Variants in CTNNA3 observed in about 807,000 individuals in gnomAD.
The protein encoded by CTNNA3 is catenin alpha 3, also known as catenin alpha-3.
In CTNNA3, 76 loss-of-function variants were observed where a neutral mutation model predicts 95.7. The ratio of observed to expected loss-of-function variants is 0.79; its 90% CI spans 0.66 to 0.96. The LOEUF (loss-of-function observed/expected upper bound fraction) is 0.96. CTNNA3 is among the 40% of genes least tolerant of loss of function. The pLI, the probability that CTNNA3 is intolerant of heterozygous loss-of-function variation, is 0.00. For synonymous variants in CTNNA3, 431 were observed against 374.4 expected, an observed-to-expected ratio of 1.15 and a Z score of -1.74; for missense variants, 1,191 against 1,089.8, an observed-to-expected ratio of 1.09 and a Z score of -1.31.
At chr10:66,821,060 A>T (rs1842289852) in intron 7 of CTNNA3, among the ~76,000 whole-genome samples, 2 of 152,130 alleles carry the variant, frequency 1.3e-5, no homozygotes, top group African/African-American at 4.8e-5. Flanking sequence ...AGATTTAATT[A>T]TGGATATACC....
intron 7 of CTNNA3, chr10:66,926,162 A>C: frequency 4.3e-6 from 2 of 462,248 alleles, no homozygotes; most frequent in Non-Finnish European, 8.7e-6. Flanking sequence ...CATCACGGGA[A>C]CTGCTGGGGT....
chr10:65,933,064 C>G (rs1011329739), intron 17 of CTNNA3, among the ~76,000 whole-genome samples: 62 of 152,074 alleles, frequency 4.1e-4, no homozygotes, highest in African/African-American at 1.4e-3. Context: ...GCGCTTTCCA[C>G]TTTAGATTCC....
intron 5 of CTNNA3, among the ~76,000 whole-genome samples, chr10:67,414,682 C>A (rs1391103458): frequency 6.6e-6 from 1 of 152,166 alleles, no homozygotes; most frequent in Non-Finnish European, 1.5e-5. Flanking sequence ...CAAAAATCCT[C>A]AACAAATATT....
At chr10:67,195,144 ATT>A (rs2132187743) in intron 6 of CTNNA3, among the ~76,000 whole-genome samples, 2 of 152,162 alleles carry the variant, frequency 1.3e-5, no homozygotes, top group Middle Eastern at 3.4e-3. Context: ...GGCTCCTACT[ATT>A]TAATTCCTGA....
At chr10:67,064,315 T>A (rs527240874) in intron 7 of CTNNA3, among the ~76,000 whole-genome samples, 78 of 152,296 alleles carry the variant, frequency 5.1e-4, no homozygotes, top group African/African-American at 1.8e-3. Context: ...TTAGGTTTAA[T>A]TTCATTTTCT....
chr10:67,137,360 G>C (rs1860350277), intron 7 of CTNNA3, among the ~76,000 whole-genome samples: 1 of 152,000 alleles, frequency 6.6e-6, no homozygotes, highest in Non-Finnish European at 1.5e-5. Flanking sequence ...TCCGCAAATA[G>C]ATTGAGCCTA....
intron 5 of CTNNA3, among the ~76,000 whole-genome samples, chr10:67,444,378 G>A (rs928546474): frequency 3.9e-5 from 6 of 151,964 alleles, no homozygotes; most frequent in Non-Finnish European, 8.8e-5. Flanking sequence ...ACCAAAACCT[G>A]TAAAACACAG....
chr10:66,719,455 C>T (rs1589165325), intron 9 of CTNNA3, among the ~76,000 whole-genome samples: 1 of 152,148 alleles, frequency 6.6e-6, no homozygotes, highest in East Asian at 1.9e-4. Flanking sequence ...TTTCAACAAA[C>T]TAATGAGCAA....
intron 9 of CTNNA3, among the ~76,000 whole-genome samples, chr10:66,640,767 C>T (rs1235999876): frequency 1.3e-5 from 2 of 152,144 alleles, no homozygotes; most frequent in Non-Finnish European, 2.9e-5. Flanking sequence ...TCAAGATTCA[C>T]TAGAATATAT....
chr10:66,658,852 C>A (rs1846157806), intron 9 of CTNNA3, among the ~76,000 whole-genome samples: 1 of 152,112 alleles, frequency 6.6e-6, no homozygotes, highest in Non-Finnish European at 1.5e-5. Context: ...CACGACCACA[C>A]CTGGCTAAGT....
chr10:66,312,456 G>A (rs993340796), intron 12 of CTNNA3, among the ~76,000 whole-genome samples: 9 of 151,976 alleles, frequency 5.9e-5, no homozygotes, highest in Non-Finnish European at 1.3e-4. Context: ...TGTGTTGTGT[G>A]TGTGTATAAA....
intron 15 of CTNNA3, among the ~76,000 whole-genome samples, chr10:66,020,829 A>G (rs2893977): frequency 0.72 from 109,100 of 151,804 alleles, 39,475 homozygotes; most frequent in East Asian, 0.93. Context: ...CTGCCACCAT[A>G]CCCAGCTAAT....
At chr10:66,833,601 A>G (rs1842797764) in intron 7 of CTNNA3, among the ~76,000 whole-genome samples, 1 of 152,164 alleles carries the variant, frequency 6.6e-6, no homozygotes, top group South Asian at 2.1e-4. Context: ...CTCACCATCA[A>G]CAAGCTAATA....
intron 12 of CTNNA3, among the ~76,000 whole-genome samples, chr10:66,344,226 C>CA (rs71035122): frequency 0.31 from 42,771 of 139,526 alleles, 6,975 homozygotes; most frequent in East Asian, 0.55. Flanking sequence ...GACTCCATCT[C>CA]AAAAAAAAAA....
chr10:67,277,454 G>A (rs1839223960), intron 5 of CTNNA3, among the ~76,000 whole-genome samples: 2 of 152,178 alleles, frequency 1.3e-5, no homozygotes, highest in South Asian at 4.1e-4. Context: ...GTCCTGAGAA[G>A]ACTAAAGTGT....
At chr10:67,078,155 G>C (rs188933611) in intron 7 of CTNNA3, among the ~76,000 whole-genome samples, 225 of 152,262 alleles carry the variant, frequency 1.5e-3, no homozygotes, top group African/African-American at 5.2e-3. Context: ...TATTCTGAAA[G>C]TCTCCAAATA....
chr10:67,539,605 C>T lies in CTNNA3; in HGVS notation c.357G>A (p.Glu119=). 6.2e-7 allele frequency: 1 copy of T among 1,613,850 alleles called. No individual in the cohort carries two copies. Among genetic ancestry groups the T allele is most frequent in the Non-Finnish European group, 8.5e-7 (1 of 1,179,830 alleles). ...AGGCACGGGCAGCTTGAACCACAGC[C>T]TCCCTTTTTGGGAGAAAACAGGGGT... ...TDDPCFLPKR[E]AVVQAARALL... is the part of the protein sequence containing the mutation. The change falls in exon 4 of 18, where the codon GAG becomes GAA. Residue 119 remains glutamate, a synonymous_variant. Transcript: ENST00000433211.
chr10:67,318,044 T>C (rs1841140126), intron 5 of CTNNA3, among the ~76,000 whole-genome samples: 1 of 151,926 alleles, frequency 6.6e-6, no homozygotes, highest in South Asian at 2.1e-4. Flanking sequence ...GAGGGATAGA[T>C]GTGAGGTGTA....
chr10:66,570,961 A>T (rs972461169), intron 10 of CTNNA3, among the ~76,000 whole-genome samples: 2 of 152,182 alleles, frequency 1.3e-5, no homozygotes, highest in African/African-American at 4.8e-5. Flanking sequence ...ATACACCAAG[A>T]AATAAAATCT....
Sources: allele counts gnomAD v4.1 joint callset (sites outside exome capture counted in the v4.1 genomes callset), GRCh38; gene constraint gnomAD v4.1.1; transcripts MANE v1.5; gene names NCBI Gene and HGNC (gene_info 2026-07-23, HGNC 2026-07-21).